The following WDR70 variants were observed in gnomAD, a reference collection of about 807,000 sequenced individuals.
WDR70 encodes WD repeat-containing protein 70.
A neutral mutation model predicts 88.6 loss-of-function variants in WDR70; 53 were observed. The ratio of observed to expected loss-of-function variants is 0.60; its 90% CI spans 0.48 to 0.75. The LOEUF is 0.75. Among genes scored for constraint, WDR70 ranks in the 30% least tolerant of loss-of-function variants. The pLI, the probability that WDR70 is intolerant of heterozygous loss-of-function variation, is 0.00. For missense variants in WDR70, 610 were observed against 823.2 expected (o/e 0.74, Z 3.17); for synonymous variants, 280 against 270.0 (o/e 1.04, Z -0.36).
At chr5:37,449,850 T>C (rs1407822595) in intron 7 of WDR70, among the ~76,000 whole-genome samples, 1 of 152,114 alleles carries the variant, frequency 6.6e-6, no homozygotes, top group African/African-American at 2.4e-5. Flanking sequence ...CTGTACCCAT[T>C]AACGCATCAT....
At chr5:37,697,830 C>A in intron 11 of WDR70, 76 bp downstream of exon 11, 1 of 1,278,750 alleles carries the variant, frequency 7.8e-7, no homozygotes, top group Non-Finnish European at 1.1e-6. Flanking sequence ...CAATAATATC[C>A]TAGTGCTTAG....
At position 37,401,340 on chromosome 5, in the gene WDR70, G is replaced by A. The variant is rs538155028; in HGVS notation, c.492+4770G>A. Among the ~76,000 whole-genome samples, 487 of 144,874 alleles carry A rather than the reference G, an allele frequency of 3.4e-3. 1 individual carries two copies. The highest frequency in any genetic ancestry group is 4.7e-3 in the Non-Finnish European group (314 of 66,368). On this transcript the variant is annotated intron_variant, in intron 5 of 17. Coordinates refer to ENST00000265107, the MANE Select transcript of WDR70 (RefSeq NM_018034.4). ...AATTTTTTTTTTTTTTTTTGAGACG[G>A]AGTCTTGCTCTATTGCCCAGGCTGG...
At chr5:37,392,234 A>G in intron 4 of WDR70, 114 bp downstream of exon 4, 4 of 1,214,302 alleles carry the variant, frequency 3.3e-6, no homozygotes, top group Non-Finnish European at 3.4e-6. Context: ...CGCCCTCTGC[A>G]GTGCAGTGGC....
intron 7 of WDR70, among the ~76,000 whole-genome samples, chr5:37,466,295 G>A (rs1739147421): frequency 6.6e-6 from 1 of 152,124 alleles, no homozygotes; most frequent in Admixed American, 6.5e-5. Flanking sequence ...ATATTATGAG[G>A]CAGTAAGAGT....
chr5:37,649,777 G>A (rs1178252067), intron 10 of WDR70, among the ~76,000 whole-genome samples: 2 of 102,944 alleles, frequency 1.9e-5, no homozygotes, highest in Non-Finnish European at 3.4e-5. Context: ...TCGCTCTGTC[G>A]CCCAGGCTGG....
chr5:37,429,582 T>C (rs537787977), intron 5 of WDR70, among the ~76,000 whole-genome samples: 1 of 152,330 alleles, frequency 6.6e-6, no homozygotes, highest in Admixed American at 6.5e-5. Flanking sequence ...GTTTGAGTAT[T>C]GTTTGTTTAA....
At chr5:37,572,237 G>A (rs1047150375) in intron 9 of WDR70, among the ~76,000 whole-genome samples, 8 of 152,106 alleles carry the variant, frequency 5.3e-5, no homozygotes, top group Admixed American at 2.6e-4. Context: ...AATACACTGT[G>A]TAAGCCTGTG....
chr5:37,519,750 T>C (rs527384195), intron 9 of WDR70, among the ~76,000 whole-genome samples: 2 of 152,358 alleles, frequency 1.3e-5, no homozygotes, highest in East Asian at 3.9e-4. Flanking sequence ...AGCACAGATA[T>C]CTTTTCGATT....
chr5:37,402,944 GTTT>G (rs5867348), intron 5 of WDR70, among the ~76,000 whole-genome samples: 22 of 84,380 alleles, frequency 2.6e-4, no homozygotes, highest in African/African-American at 1.1e-3. Context: ...CCCTCCCTCC[GTTT>G]TTTTTTTTTT....
At chr5:37,605,912 TG>T (rs1744019693) in intron 10 of WDR70, among the ~76,000 whole-genome samples, 1 of 152,200 alleles carries the variant, frequency 6.6e-6, no homozygotes, top group Non-Finnish European at 1.5e-5. Context: ...TTAAATGGAA[TG>T]AGTCTAGACA....
chr5:37,724,787 T>G, intron 15 of WDR70, 147 bp from the exon 16 acceptor site: 1 of 795,576 alleles, frequency 1.3e-6, no homozygotes, highest in Non-Finnish European at 2.0e-6. Flanking sequence ...AATTGGCTAA[T>G]TGGTTACAGT....
At chr5:37,641,232 C>T (rs370295188) in intron 10 of WDR70, among the ~76,000 whole-genome samples, 13 of 152,018 alleles carry the variant, frequency 8.6e-5, no homozygotes, top group African/African-American at 3.1e-4. Flanking sequence ...TCTCATGCCT[C>T]AGCCTCCTGA....
intron 2 of WDR70, 35 bp downstream of exon 2, chr5:37,379,589 T>C: frequency 6.2e-7 from 1 of 1,610,558 alleles, no homozygotes; most frequent in East Asian, 2.2e-5. Flanking sequence ...CCCTCTTCCT[T>C]GTGCAGAGGT....
intron 5 of WDR70, among the ~76,000 whole-genome samples, chr5:37,416,462 C>T (rs1305365725): frequency 2.0e-5 from 3 of 151,684 alleles, no homozygotes. Context: ...GGCAGCAGTA[C>T]AGTCCAGCTT....
intron 7 of WDR70, among the ~76,000 whole-genome samples, chr5:37,455,138 A>T (rs1256709973): frequency 2.6e-5 from 4 of 152,300 alleles, no homozygotes; most frequent in Non-Finnish European, 5.9e-5. Context: ...ATGTCTTTCA[A>T]GTATTACTTC....
intron 3 of WDR70, among the ~76,000 whole-genome samples, chr5:37,382,390 G>C (rs544741669): frequency 6.6e-6 from 1 of 151,310 alleles, no homozygotes; most frequent in African/African-American, 2.4e-5. Context: ...GAACCACTGT[G>C]CCCCGCTTTT....
intron 5 of WDR70, among the ~76,000 whole-genome samples, chr5:37,409,797 T>C (rs1195242837): frequency 2.6e-5 from 4 of 152,076 alleles, no homozygotes; most frequent in African/African-American, 4.8e-5. Flanking sequence ...TGAGCCACCA[T>C]GCCCGGCTGA....
chr5:37,480,911 A>T (rs988857068), intron 8 of WDR70, among the ~76,000 whole-genome samples: 1 of 152,256 alleles, frequency 6.6e-6, no homozygotes, highest in African/African-American at 2.4e-5. Context: ...TTCTAGATAA[A>T]CAGGGATACA....
intron 17 of WDR70, among the ~76,000 whole-genome samples, chr5:37,732,365 G>A (rs531204331): frequency 2.0e-5 from 3 of 152,156 alleles, no homozygotes; most frequent in East Asian, 3.9e-4. Flanking sequence ...TTTACTTTAT[G>A]TACCTATTCA....
Sources: allele counts gnomAD v4.1 joint callset (sites outside exome capture counted in the v4.1 genomes callset), GRCh38; gene constraint gnomAD v4.1.1; transcripts MANE v1.5; gene names NCBI Gene and HGNC (gene_info 2026-07-23, HGNC 2026-07-21).